Variants in KNDC1 observed in about 807,000 individuals in gnomAD.
KNDC1 encodes kinase non-catalytic C-lobe domain containing 1.
A neutral mutation model predicts 172.8 loss-of-function variants in KNDC1; 106 were observed. The ratio of observed to expected loss-of-function variants is 0.61; its 90% CI spans 0.52 to 0.72. The LOEUF (loss-of-function observed/expected upper bound fraction) is 0.72, where lower values mean the gene tolerates loss of function less well. Ranked by LOEUF, KNDC1 falls within the 30% of genes least tolerant of loss-of-function variation. The pLI is 0.00. For missense variants in KNDC1, 2,325 were observed against 2,394.5 expected (o/e 0.97, Z 0.61); for synonymous variants, 1,083 against 1,062.2 (o/e 1.02, Z -0.38).
intron 3 of KNDC1, among the ~76,000 whole-genome samples, chr10:133,168,995 AGGCTG>A (rs1242592847): frequency 6.6e-6 from 1 of 152,232 alleles, no homozygotes; most frequent in East Asian, 1.9e-4. Context: ...TCAGTCCATC[AGGCTG>A]GGCTCTGTCC....
At chr10:133,207,790 C>T (rs1845245288) in intron 20 of KNDC1, among the ~76,000 whole-genome samples, 2 of 152,224 alleles carry the variant, frequency 1.3e-5, no homozygotes, top group South Asian at 4.1e-4. Context: ...CACACTGGCT[C>T]AGGAGACCCC....
At chr10:133,201,372 C>T in intron 16 of KNDC1, 129 bp from the exon 17 acceptor site, 2 of 1,030,614 alleles carry the variant, frequency 1.9e-6, no homozygotes, top group East Asian at 4.9e-5. Flanking sequence ...CCGGGGGGCG[C>T]CCGTGGTGGG....
rs567599957 is a variant in KNDC1, at chr10:133,198,057, A to G, written c.1907-280A>G. Among the ~76,000 whole-genome samples the G allele has an allele frequency of 7.9e-5, 12 of 151,256 alleles. 1 individual carries two copies. The highest frequency in any genetic ancestry group is 7.9e-4 in the Admixed American group (12 of 15,220). On this transcript the variant is annotated intron_variant, in intron 12 of 29. Coordinates refer to ENST00000304613, the MANE Select transcript of KNDC1 (RefSeq NM_152643.8). ...GACCCCCAGAGTCCACACAGAGCCC[A>G]CCCCACCCCCGTACTGAGCCCTGCT...
intron 6 of KNDC1, among the ~76,000 whole-genome samples, chr10:133,187,811 C>T (rs1853962348): frequency 6.6e-6 from 1 of 152,302 alleles, no homozygotes. Context: ...TGCAAGAGCA[C>T]AGCTCAGCGG....
intron 1 of KNDC1, among the ~76,000 whole-genome samples, chr10:133,162,531 A>T (rs748710037): frequency 3.9e-5 from 6 of 152,242 alleles, no homozygotes; most frequent in Non-Finnish European, 8.8e-5. Flanking sequence ...CCCTATGGAC[A>T]CCCACCGGAG....
At position 133,224,706 on chromosome 10, in the gene KNDC1, C is replaced by T. The variant is rs767653727; in HGVS notation, c.5066C>T (p.Pro1689Leu). ...CAGGTGCACGCGTTCCAGGAGAACC[C>T]TTACACCTTCAGCCCCGACCCCAAG... Reference protein sequence around the residue: ...VSQVHAFQENPYTFSPDPKLQ... With the variant: ...VSQVHAFQENLYTFSPDPKLQ... Residue 1689 changes from proline (P) to leucine (L), a missense_variant, in exon 30 of 30, where the codon CCT becomes CTT. Physicochemically the swap from Pro to Leu is moderately conservative, Grantham distance 98 (BLOSUM62 -3). Coordinates refer to ENST00000304613, the MANE Select transcript of KNDC1 (RefSeq NM_152643.8). The surrounding 1 kb of genome is among the most constrained non-coding windows in gnomAD (Gnocchi z 5.4). 6.2e-7 allele frequency: 1 copy of T among 1,613,948 alleles called. No homozygotes were observed. The highest frequency in any genetic ancestry group is 1.7e-5 in the Admixed American group (1 of 59,986).
Position 133,225,300 on chromosome 10 carries a change from C to T in KNDC1, c.*410C>T. ...AACTCAACAAACTTCAGAGTAGCTCCTCCCTGAGCAGGTTTCTGAGCCAGC... is the reference window on the plus strand; with the variant it reads ...AACTCAACAAACTTCAGAGTAGCTCTTCCCTGAGCAGGTTTCTGAGCCAGC... On this transcript the variant is annotated 3_prime_UTR_variant, in exon 30 of 30. Transcript: ENST00000304613. 4.7e-6 allele frequency: 1 copy of T among 212,976 alleles called. No individual in the cohort carries two copies. Among genetic ancestry groups the T allele is most frequent in the Non-Finnish European group, 9.5e-6 (1 of 105,598 alleles). 13.2% of individuals were successfully genotyped at this position (212,976 alleles called of 1,614,324 possible).
In KNDC1 at chr10:133,183,305, C is replaced by T. The variant is rs1168114058; in HGVS notation, c.361-39C>T. 2.1e-5 allele frequency: 33 copies of T among 1,554,162 alleles called. No individual in the cohort carries two copies. The Admixed American group carries it at 4.9e-4, about 23-fold the overall frequency. On this transcript the variant is annotated intron_variant, in intron 3 of 29. Transcript: ENST00000304613. ...CTGGCCGCGGTCGGGGTGGCGCACA[C>T]GCAGAGACTCTGGAGCTGACAGCCT...
At chr10:133,215,477 G>C (rs1016351364) in intron 26 of KNDC1, among the ~76,000 whole-genome samples, 1 of 152,258 alleles carries the variant, frequency 6.6e-6, no homozygotes, top group Non-Finnish European at 1.5e-5. Flanking sequence ...GCCAGGGCAC[G>C]CCAGCACGGG....
intron 3 of KNDC1, among the ~76,000 whole-genome samples, chr10:133,176,260 C>T (rs1276083889): frequency 6.8e-6 from 1 of 146,036 alleles, no homozygotes; most frequent in Non-Finnish European, 1.5e-5. Flanking sequence ...GATACATAGG[C>T]GGATGGATGC....
rs780776347 is a variant in KNDC1, at chr10:133,186,158, C to A, written c.810C>A (p.Gly270=). The A allele has an allele frequency of 6.3e-7, 1 of 1,582,638 alleles. No homozygotes were observed. The highest frequency in any genetic ancestry group is 1.3e-5 in the African/African-American group (1 of 74,078). The part of the protein sequence containing the change: ...KALLSTPVRN[G]ESHSREGLAG... ...TGCTGTCCACCCCGGTGAGAAATGG[C>A]GAGAGCCACAGCCGGGAGGGGCTGG... The change falls in exon 6 of 30, where the codon GGC becomes GGA. Residue 270 remains glycine (G), a synonymous_variant. Transcript: ENST00000304613.
Position 133,201,899 on chromosome 10 carries a change from G to A in KNDC1, c.3387+1G>A, listed in dbSNP as rs747249785. 6.8e-7 allele frequency: 1 copy of A among 1,474,750 alleles called. No homozygotes were observed. The highest frequency in any genetic ancestry group is 9.0e-7 in the Non-Finnish European group (1 of 1,114,596). 91.4% of individuals were successfully genotyped at this position (1,474,750 alleles called of 1,614,324 possible). A position where few individuals can be genotyped will look rare whatever the true frequency, so the allele number is the denominator to read the frequency against. ...GGCCCTGCCCGACGCCCAGAGCCCG[G>A]TGAGTCCCAGGCCTTGGCACTGCCG... On this transcript the variant is annotated splice_donor_variant, in intron 17 of 29. Coordinates refer to ENST00000304613, the MANE Select transcript of KNDC1 (RefSeq NM_152643.8). LOFTEE classifies it high-confidence loss of function.
Position 133,206,865 on chromosome 10 carries a change from T to G in KNDC1, c.3491T>G (p.Val1164Gly). Reference protein sequence around the residue: ...QKEKRNKGSDVKTMLSKLKGQ... With the variant: ...QKEKRNKGSDGKTMLSKLKGQ... ...TCTGCTCCACCCACAGGTTCCGACG[T>G]CAAGACCATGCTGTCCAAGCTGAAA... Residue 1164 changes from valine (V) to glycine (G), a missense_variant, in exon 19 of 30, where the codon GTC (valine) becomes GGC (glycine). Physicochemically the swap from Val to Gly is moderately radical, Grantham distance 109. Coordinates refer to ENST00000304613, the MANE Select transcript of KNDC1 (RefSeq NM_152643.8). The G allele has an allele frequency of 6.2e-7, 1 of 1,614,074 alleles. No homozygotes were observed. Among genetic ancestry groups the G allele is most frequent in the Non-Finnish European group, 8.5e-7 (1 of 1,179,996 alleles).
At chr10:133,194,947 A>C (rs1854148016) in intron 9 of KNDC1, among the ~76,000 whole-genome samples, 1 of 152,226 alleles carries the variant, frequency 6.6e-6, no homozygotes, top group African/African-American at 2.4e-5. Flanking sequence ...CGTCGCTCAG[A>C]GGGGTGCCCC....
At position 133,220,095 on chromosome 10, in the gene KNDC1, C is replaced by T; in HGVS notation, c.5001C>T (p.His1667=). The part of the protein sequence containing the change: ...TGGFTMTNGA[H]RWSKLRNIAK... Reference sequence around the variant, plus strand: ...GCTTCACCATGACCAACGGGGCCCACAGGTGGAGCAAGCTCAGGTGAGGAG... The same window carrying T: ...GCTTCACCATGACCAACGGGGCCCATAGGTGGAGCAAGCTCAGGTGAGGAG... The change falls in exon 29 of 30, where the codon CAC becomes CAT. Residue 1667 remains histidine, a synonymous_variant. Coordinates refer to ENST00000304613, the MANE Select transcript of KNDC1 (RefSeq NM_152643.8). 6.4e-7 allele frequency: 1 copy of T among 1,566,500 alleles called. No individual in the cohort carries two copies. The highest frequency in any genetic ancestry group is 8.7e-7 in the Non-Finnish European group (1 of 1,155,712).
At chr10:133,219,572 G>T (rs1004370598) in intron 28 of KNDC1, among the ~76,000 whole-genome samples, 1 of 152,224 alleles carries the variant, frequency 6.6e-6, no homozygotes, top group South Asian at 2.1e-4. Flanking sequence ...CGGGTGGGAC[G>T]GCTCCTGCAT....
chr10:133,191,475 C>G (rs912867583), intron 9 of KNDC1, among the ~76,000 whole-genome samples: 1 of 151,966 alleles, frequency 6.6e-6, no homozygotes, highest in Admixed American at 6.6e-5. Context: ...CAAGGCAGGT[C>G]GATCACCTGA....
At chr10:133,212,205 C>A (rs1366895160) in intron 23 of KNDC1, among the ~76,000 whole-genome samples, 1 of 152,058 alleles carries the variant, frequency 6.6e-6, no homozygotes, top group Non-Finnish European at 1.5e-5. Flanking sequence ...CGTGTGCACC[C>A]TCACACATAT....
chr10:133,160,988 G>A (rs188015678), intron 1 of KNDC1, among the ~76,000 whole-genome samples: 3 of 151,996 alleles, frequency 2.0e-5, no homozygotes, highest in Non-Finnish European at 4.4e-5. Context: ...GGAGCGGGGG[G>A]TGGGGGGAGC....
Sources: gnomAD v4.1 joint callset for allele counts (sites outside exome capture counted in the v4.1 genomes callset) on GRCh38, gnomAD v4.1.1 for gene constraint, Gnocchi (gnomAD v3.1) non-coding constraint, MANE v1.5 for transcripts, NCBI Gene and HGNC (gene_info 2026-07-23, HGNC 2026-07-21) for gene names.